The following CDK12 variants were observed in gnomAD, a reference collection of about 807,000 sequenced individuals.
CDK12 encodes the protein cyclin-dependent kinase 12.
CDK12 carries 17 observed loss-of-function variants against 133.8 expected under a neutral mutation model. The observed-to-expected ratio is 0.13, with a 90% confidence interval of 0.09 to 0.19. The LOEUF (loss-of-function observed/expected upper bound fraction) is 0.19. Ranked by LOEUF, CDK12 falls within the 10% of genes least tolerant of loss-of-function variation. CDK12 has a pLI of 1.00. For missense variants in CDK12, 1,508 were observed against 1,818.7 expected, an observed-to-expected ratio of 0.83 and a Z score of 3.11; for synonymous variants, 694 against 683.6, an observed-to-expected ratio of 1.02 and a Z score of -0.24.
At chr17:39,473,066 A>G (rs1177499436) in intron 2 of CDK12, among the ~76,000 whole-genome samples, 15 of 151,048 alleles carry the variant, frequency 9.9e-5, no homozygotes, top group Non-Finnish European at 2.2e-4. Context: ...ATAGAGCGAG[A>G]CTCCGTCTTA....
chr17:39,484,574 A>G lies in CDK12; in HGVS notation c.1932-5983A>G, dbSNP rs574664634. ...TTAGTACATTGGAATTTACTGAAAC[A>G]GGATTTGACCTCTATTCAAATTGTA... On this transcript the variant is annotated intron_variant, in intron 2 of 13. Transcript: ENST00000447079. 9.8e-5 allele frequency among the ~76,000 whole-genome samples: 15 copies of G among 152,340 alleles called. No homozygotes were observed. In the East Asian group the frequency reaches 2.1e-3, roughly 22 times the overall value.
intron 3 of CDK12, among the ~76,000 whole-genome samples, chr17:39,562,902 C>CTTTTTTTTTTTTTTTTTT (rs59852699): frequency 1.1e-5 from 1 of 92,382 alleles, no homozygotes; most frequent in Non-Finnish European, 2.2e-5. Flanking sequence ...TTTTTCTTTT[C>CTTTTTTTTTTTTTTTTTT]TTTTTTTTTT....
At chr17:39,494,992 C>T (rs1368357207) in intron 5 of CDK12, among the ~76,000 whole-genome samples, 2 of 151,914 alleles carry the variant, frequency 1.3e-5, no homozygotes, top group Non-Finnish European at 2.9e-5. Context: ...AGGATGGTCT[C>T]GATCTCCTGA....
At position 39,531,224 on chromosome 17, in the gene CDK12, G is replaced by A. The variant is rs186043011; in HGVS notation, c.4381G>A (p.Gly1461Ser). 2.0e-6 allele frequency: 3 copies of A among 1,516,352 alleles called. No individual in the cohort carries two copies. The highest frequency in any genetic ancestry group is 1.3e-5 in the South Asian group (1 of 74,196). 93.9% of individuals were successfully genotyped at this position (1,516,352 alleles called of 1,614,324 possible). The part of the protein sequence containing the change: ...SSSGAGLHWG[G>S]PTQSSAYGKL... ...CTCAGGAGCAGGCCTTCACTGGGGG[G>A]GCCCAACTCAGTCTTCTGCTTATGG... is the stretch of plus-strand genomic sequence containing the variant. The change falls in exon 14 of 14, where the codon GGC (glycine) becomes AGC (serine). Residue 1461 changes from glycine to serine, a missense_variant. Coordinates refer to ENST00000447079, the MANE Select transcript of CDK12 (RefSeq NM_016507.4).
downstream of CDK12, among the ~76,000 whole-genome samples, chr17:39,539,050 GAGTC>G (rs1026145148): frequency 3.7e-4 from 56 of 152,292 alleles, no homozygotes; most frequent in African/African-American, 1.2e-3. Flanking sequence ...AGGAAGTAAA[GAGTC>G]AGCATTTGAG....
intron 10 of CDK12, among the ~76,000 whole-genome samples, chr17:39,518,356 A>G (rs2053943585): frequency 6.8e-6 from 1 of 146,654 alleles, no homozygotes; most frequent in South Asian, 2.2e-4. Context: ...GTGTAGAGAT[A>G]GGGTCTCCTA....
chr17:39,515,087 C>T (rs1343110086), intron 8 of CDK12, among the ~76,000 whole-genome samples: 1 of 152,098 alleles, frequency 6.6e-6, no homozygotes, highest in African/African-American at 2.4e-5. Flanking sequence ...GTGGTGCATG[C>T]CTGTAGTCCC....
intron 3 of CDK12, 28 bp downstream of exon 3, chr17:39,490,761 AT>A: frequency 6.5e-7 from 1 of 1,541,728 alleles, no homozygotes; most frequent in East Asian, 2.3e-5. Context: ...TCTGTCTTTC[AT>A]GATAGTTTTC....
At chr17:39,476,368 C>G (rs1168705279) in intron 2 of CDK12, among the ~76,000 whole-genome samples, 2 of 151,978 alleles carry the variant, frequency 1.3e-5, no homozygotes, top group Non-Finnish European at 2.9e-5. Flanking sequence ...CTCAGCCTCC[C>G]AAAGTACTGA....
At position 39,476,711 on chromosome 17, in the gene CDK12, C is replaced by CATTTTTTTTTTTTTTTTTTTTTTT. The variant is rs1555553398; in HGVS notation, c.1931+4948_1931+4949insATTTTTTTTTTTTTTTTTTTTTTT. On this transcript the variant is annotated intron_variant, in intron 2 of 13. Transcript: ENST00000447079. Reference sequence around the variant, plus strand: ...TACAGGCATGAGCCACCATGCCTGCCTTTTTTTTTTTTTTTTTTTTTTTTT... The same window carrying CATTTTTTTTTTTTTTTTTTTTTTT: ...TACAGGCATGAGCCACCATGCCTGCCATTTTTTTTTTTTTTTTTTTTTTTTTTTTTTTTTTTTTTTTTTTTTTTT... 4.0e-4 allele frequency among the ~76,000 whole-genome samples: 34 copies of CATTTTTTTTTTTTTTTTTTTTTTT among 84,532 alleles called. 8 individuals carry two copies. Among genetic ancestry groups the CATTTTTTTTTTTTTTTTTTTTTTT allele is most frequent in the East Asian group, 7.5e-4 (2 of 2,660 alleles). The allele number at this position is 84,532 out of a possible 152,430, so 55.5% of individuals were successfully genotyped here. A position where few individuals can be genotyped will look rare whatever the true frequency, so the allele number is the denominator to read the frequency against.
intron 4 of CDK12, among the ~76,000 whole-genome samples, chr17:39,493,166 GTTT>G (rs201228796): frequency 7.5e-6 from 1 of 132,502 alleles, no homozygotes; most frequent in African/African-American, 2.9e-5. Context: ...ACTAATTTTT[GTTT>G]TTTTTTTTTT....
chr17:39,531,904 C>T lies in CDK12; in HGVS notation c.*588C>T, dbSNP rs2054864462. On this transcript the variant is annotated 3_prime_UTR_variant, in exon 14 of 14. Coordinates refer to ENST00000447079, the MANE Select transcript of CDK12 (RefSeq NM_016507.4). ...CTCACATTTTGCTTTTAAGTGAACACTTTTTCCCCATTGAGCATCTTGAAC... is the reference window on the plus strand; with the variant it reads ...CTCACATTTTGCTTTTAAGTGAACATTTTTTCCCCATTGAGCATCTTGAAC... 4.3e-6 allele frequency: 1 copy of T among 233,822 alleles called. No individual in the cohort carries two copies. Among genetic ancestry groups the T allele is most frequent in the East Asian group, 6.0e-5 (1 of 16,730 alleles). 14.5% of individuals were successfully genotyped at this position (233,822 alleles called of 1,614,324 possible).
At chr17:39,481,614 T>C (rs550504783) in intron 2 of CDK12, among the ~76,000 whole-genome samples, 84 of 139,362 alleles carry the variant, frequency 6.0e-4, no homozygotes, top group African/African-American at 2.0e-3. Flanking sequence ...CCAGCACTTA[T>C]GTGCTTGCTC....
intron 2 of CDK12, among the ~76,000 whole-genome samples, chr17:39,473,987 G>A (rs1436170867): frequency 6.6e-6 from 1 of 152,150 alleles, no homozygotes; most frequent in Non-Finnish European, 1.5e-5. Context: ...AACTCAGGAG[G>A]CAGAGGCTGC....
At chr17:39,537,915 T>C (rs138548534), downstream of CDK12, among the ~76,000 whole-genome samples, 103 of 152,168 alleles carry the variant, frequency 6.8e-4, 1 homozygote, top group East Asian at 0.018. Context: ...GGAAAAATTA[T>C]GGTTGAGTTA....
upstream of CDK12, among the ~76,000 whole-genome samples, chr17:39,545,941 G>A (rs1186350511): frequency 2.0e-5 from 3 of 149,922 alleles, no homozygotes; most frequent in African/African-American, 4.9e-5. Flanking sequence ...AACTACAGGC[G>A]CCCGCCACCA....
At chr17:39,559,509 T>C (rs549746798) in intron 3 of CDK12, among the ~76,000 whole-genome samples, 2 of 152,344 alleles carry the variant, frequency 1.3e-5, no homozygotes, top group Non-Finnish European at 2.9e-5. Context: ...CATCCCCTCC[T>C]TAACCCTTGA....
chr17:39,540,540 G>T (rs1248515144), intron 1 of CDK12, among the ~76,000 whole-genome samples: 22 of 152,254 alleles, frequency 1.4e-4, no homozygotes, highest in Non-Finnish European at 1.5e-5. Flanking sequence ...AAAGAAAATA[G>T]TATTTTTGCC....
At chr17:39,487,524 A>G (rs115829383) in intron 2 of CDK12, among the ~76,000 whole-genome samples, 24 of 151,000 alleles carry the variant, frequency 1.6e-4, no homozygotes, top group African/African-American at 5.6e-4. Context: ...GAGAAGACCT[A>G]TCTGGCCTGA....
Sources: allele counts gnomAD v4.1 joint callset (sites outside exome capture counted in the v4.1 genomes callset), GRCh38; gene constraint gnomAD v4.1.1; transcripts MANE v1.5; gene names NCBI Gene and HGNC (gene_info 2026-07-23, HGNC 2026-07-21).